Variants in ATP9B observed in about 807,000 individuals in gnomAD.
The protein encoded by ATP9B is probable phospholipid-transporting ATPase IIB.
A neutral mutation model predicts 146.1 loss-of-function variants in ATP9B; 110 were observed. The ratio of observed to expected loss-of-function variants is 0.75; its 90% CI spans 0.65 to 0.88. The LOEUF is 0.88. ATP9B is among the 40% of genes least tolerant of loss of function. The pLI, the probability that ATP9B is intolerant of heterozygous loss-of-function variation, is 0.00. For synonymous variants in ATP9B, 604 were observed against 569.7 expected (o/e 1.06, Z -0.86); for missense variants, 1,499 against 1,496.4 (o/e 1.00, Z -0.03).
rs751952078 is a variant in ATP9B at position 79,069,467 on chromosome 18, C to T, written c.57C>T (p.Asn19=). The change falls in exon 1 of 30, where the codon AAC becomes AAT. Residue 19 remains asparagine (N), a synonymous_variant. Transcript: ENST00000426216. ...PVRSAAAAAA[N]RKRAAYYSAA... ...GTAGCGCAGCGGCGGCCGCAGCCAA[C>T]CGCAAACGCGCGGCCTACTACAGCG... The T allele has an allele frequency of 1.3e-6, 2 of 1,506,876 alleles. No homozygotes were observed. Among genetic ancestry groups the T allele is most frequent in the Non-Finnish European group, 1.8e-6 (2 of 1,130,600 alleles). 93.3% of individuals were successfully genotyped at this position (1,506,876 alleles called of 1,614,324 possible).
Position 79,069,422 on chromosome 18 carries a change from G to A in ATP9B, c.12G>A (p.Gln4=). The change falls in exon 1 of 30, where the codon CAG becomes CAA. Residue 4 remains glutamine (Q), a synonymous_variant. Transcript: ENST00000426216. ...GGGGCGGTCGGAACATGGCGGACCA[G>A]ATCCCGCTTTACCCGGTGCGTAGCG... The part of the protein sequence containing the change: MAD[Q]IPLYPVRSAA... The A allele has an allele frequency of 2.6e-6, 4 of 1,519,524 alleles. No homozygotes were observed. The highest frequency in any genetic ancestry group is 2.7e-5 in the East Asian group (1 of 36,454). The allele number at this position is 1,519,524 out of a possible 1,614,324, so 94.1% of individuals were successfully genotyped here.
chr18:79,337,207 C>T, intron 18 of ATP9B, 72 bp from the exon 19 acceptor site: 1 of 1,565,936 alleles, frequency 6.4e-7, no homozygotes, highest in South Asian at 1.1e-5. Context: ...ACAGCCCATG[C>T]AGTCCAGCTC....
At chr18:79,161,840 C>G (rs997005147) in intron 7 of ATP9B, among the ~76,000 whole-genome samples, 55 of 151,396 alleles carry the variant, frequency 3.6e-4, no homozygotes, top group African/African-American at 1.3e-3. Context: ...AGCGAGACTC[C>G]GTCTCAAAAA....
chr18:79,349,687 T>C (rs529008641), intron 25 of ATP9B, among the ~76,000 whole-genome samples: 1 of 152,204 alleles, frequency 6.6e-6, no homozygotes, highest in African/African-American at 2.4e-5. Flanking sequence ...TTAAGTCACC[T>C]TTTTCCTGAG....
chr18:79,371,140 G>A (rs1249653464), intron 26 of ATP9B, among the ~76,000 whole-genome samples: 3 of 152,110 alleles, frequency 2.0e-5, no homozygotes, highest in East Asian at 1.9e-4. Flanking sequence ...TTGGGAGGCC[G>A]AGGTGGGCGG....
At chr18:79,072,350 A>G (rs1187174969) in intron 1 of ATP9B, among the ~76,000 whole-genome samples, 1 of 151,056 alleles carries the variant, frequency 6.6e-6, no homozygotes, top group Non-Finnish European at 1.5e-5. Context: ...AGTGGTGATG[A>G]CTCTTAACGA....
intron 13 of ATP9B, among the ~76,000 whole-genome samples, chr18:79,295,344 G>A (rs2096540334): frequency 6.6e-6 from 1 of 152,184 alleles, no homozygotes; most frequent in Admixed American, 6.5e-5. Context: ...CTTACTCATT[G>A]ATTTCCTCTA....
intron 2 of ATP9B, among the ~76,000 whole-genome samples, chr18:79,098,761 C>T (rs1376085570): frequency 2.6e-5 from 4 of 152,026 alleles, no homozygotes; most frequent in Non-Finnish European, 5.9e-5. Flanking sequence ...TCCTTTGTAG[C>T]CTTATTTTCT....
At chr18:79,183,170 A>T (rs1268404854) in intron 8 of ATP9B, among the ~76,000 whole-genome samples, 1 of 152,216 alleles carries the variant, frequency 6.6e-6, no homozygotes, top group Non-Finnish European at 1.5e-5. Context: ...GGAATTGTGT[A>T]TCCTTGCAAG....
intron 10 of ATP9B, chr18:79,209,546 A>T: frequency 2.1e-6 from 1 of 482,310 alleles, no homozygotes; most frequent in Non-Finnish European, 2.7e-6. Flanking sequence ...TCCTGACCTC[A>T]GTTCTCTTGA....
intron 8 of ATP9B, among the ~76,000 whole-genome samples, chr18:79,191,569 C>G (rs8084050): frequency 0.11 from 17,119 of 152,228 alleles, 1,224 homozygotes; most frequent in African/African-American, 0.2. Context: ...CATTTAGATT[C>G]ACCATCATCT....
At chr18:79,162,228 G>A (rs1426658856) in intron 7 of ATP9B, among the ~76,000 whole-genome samples, 3 of 152,198 alleles carry the variant, frequency 2.0e-5, no homozygotes, top group Non-Finnish European at 4.4e-5. Flanking sequence ...CTGGGTGCTT[G>A]TCAGTACAGC....
At chr18:79,265,012 G>T (rs1045244279) in intron 12 of ATP9B, among the ~76,000 whole-genome samples, 4 of 152,084 alleles carry the variant, frequency 2.6e-5, no homozygotes, top group Admixed American at 1.3e-4. Context: ...CATCACCCAG[G>T]TATTAAGCCT....
chr18:79,161,065 C>T (rs72994238), intron 7 of ATP9B, among the ~76,000 whole-genome samples: 10,039 of 152,198 alleles, frequency 0.066, 405 homozygotes, highest in Non-Finnish European at 0.095. Flanking sequence ...CCACTGAGCC[C>T]GGCCACTAAT....
intron 26 of ATP9B, among the ~76,000 whole-genome samples, chr18:79,370,913 T>C (rs1350993620): frequency 6.6e-6 from 1 of 152,188 alleles, no homozygotes; most frequent in Non-Finnish European, 1.5e-5. Flanking sequence ...CCTTTTACAG[T>C]TTTTGAATAA....
chr18:79,332,236 T>C (rs1014543451), intron 17 of ATP9B, among the ~76,000 whole-genome samples: 19 of 152,158 alleles, frequency 1.2e-4, no homozygotes, highest in East Asian at 1.9e-4. Flanking sequence ...GAGACCCTCC[T>C]GGCTAACACG....
chr18:79,209,113 C>T (rs1256584411), intron 10 of ATP9B, among the ~76,000 whole-genome samples: 3 of 152,206 alleles, frequency 2.0e-5, no homozygotes, highest in Non-Finnish European at 4.4e-5. Context: ...AGGTGTGTTC[C>T]CCCTGCCAGT....
At chr18:79,106,372 C>T (rs746709353) in intron 2 of ATP9B, among the ~76,000 whole-genome samples, 6 of 152,192 alleles carry the variant, frequency 3.9e-5, no homozygotes, top group Non-Finnish European at 8.8e-5. Flanking sequence ...TTTAGCTCTA[C>T]TACTCAGTGA....
intron 12 of ATP9B, among the ~76,000 whole-genome samples, chr18:79,270,731 A>C (rs889949302): frequency 1.3e-5 from 2 of 151,924 alleles, no homozygotes; most frequent in African/African-American, 4.8e-5. Flanking sequence ...ACCTTTCCCC[A>C]TTCCTGAGTT....
Sources: gnomAD v4.1 joint callset for allele counts (sites outside exome capture counted in the v4.1 genomes callset) on GRCh38, gnomAD v4.1.1 for gene constraint, MANE v1.5 for transcripts, NCBI Gene and HGNC (gene_info 2026-07-23, HGNC 2026-07-21) for gene names.